The following ZSCAN10 variants were observed in gnomAD, a reference collection of about 807,000 sequenced individuals.
The protein encoded by ZSCAN10 is zinc finger and SCAN domain containing 10.
Under a neutral mutation model 63.7 loss-of-function variants are expected in ZSCAN10, and 52 were observed. The observed-to-expected ratio is 0.82, with a 90% CI of 0.65 to 1.03. ZSCAN10 has a LOEUF of 1.03. Among genes scored for constraint, ZSCAN10 ranks in the 50% least tolerant of loss-of-function variants. The pLI, the probability that ZSCAN10 is intolerant of heterozygous loss-of-function variation, is 0.00. For synonymous variants in ZSCAN10, 544 were observed against 479.6 expected (o/e 1.13, Z -1.76); for missense variants, 1,223 against 1,103.8 (o/e 1.11, Z -1.53).
In ZSCAN10 at chr16:3,092,818, G is replaced by A. The variant is rs138053638; in HGVS notation, c.120C>T (p.Pro40=). The A allele has an allele frequency of 1.6e-5, 24 of 1,524,576 alleles. No individual in the cohort carries two copies. Among genetic ancestry groups the A allele is most frequent in the Middle Eastern group, 1.7e-4 (1 of 5,718 alleles). 94.4% of individuals were successfully genotyped at this position (1,524,576 alleles called of 1,614,324 possible). ...ATCTGAACAGCTGGTGAGCCACCTC[G>A]GGCCTCAGCCTGGACTCTGGTCGCC... ...DPRRPESRLR[P]EVAHQLFRCF... is the part of the protein sequence containing the mutation. Residue 40 remains proline, a synonymous_variant, in exon 2 of 6, where the codon CCC becomes CCT. Coordinates refer to ENST00000576985, the MANE Select transcript of ZSCAN10 (RefSeq NM_032805.3).
Position 3,095,640 on chromosome 16 carries a change from A to C in ZSCAN10, c.-67-2636T>G, listed in dbSNP as rs529176406. On this transcript the variant is annotated intron_variant, in intron 1 of 5. Transcript: ENST00000576985. ...TCAGGAGATCGAGACCATCCTGGTT[A>C]ACACGGTGAAACCCCGTCTCTAATA... Among the ~76,000 whole-genome samples the C allele has an allele frequency of 8.5e-4, 130 of 152,076 alleles. 5 individuals are homozygous for C. In the South Asian group the frequency reaches 0.027, roughly 31 times the overall value.
chr16:3,097,047 A>G (rs1175788180), intron 1 of ZSCAN10, among the ~76,000 whole-genome samples: 1 of 151,566 alleles, frequency 6.6e-6, no homozygotes, highest in Non-Finnish European at 1.5e-5. Context: ...CAGTGAGCTG[A>G]GATTGCATCA....
chr16:3,098,650 A>C (rs1000198281), intron 1 of ZSCAN10, among the ~76,000 whole-genome samples: 1 of 147,882 alleles, frequency 6.8e-6, no homozygotes, highest in African/African-American at 2.4e-5. Context: ...CTCTGTTAAT[A>C]TGCACCTCTG....
Position 3,089,612 on chromosome 16 carries a change from A to T in ZSCAN10, c.1822T>A (p.Cys608Ser). 2.5e-6 allele frequency: 4 copies of T among 1,586,316 alleles called. No homozygotes were observed. Among genetic ancestry groups the T allele is most frequent in the Non-Finnish European group, 3.4e-6 (4 of 1,166,446 alleles). ...LTHGGPRPHH[C>S]TQCGKSFGQT... Reference sequence around the variant, plus strand: ...CCGAAACTCTTCCCGCACTGGGTGCAGTGGTGGGGCCGAGGGCCACCGTGG... The same window carrying T: ...CCGAAACTCTTCCCGCACTGGGTGCTGTGGTGGGGCCGAGGGCCACCGTGG... Residue 608 changes from cysteine (C) to serine (S), a missense_variant, in exon 6 of 6, where the codon TGC becomes AGC. Physicochemically the swap from Cys to Ser is moderately radical, Grantham distance 112. Coordinates refer to ENST00000576985, the MANE Select transcript of ZSCAN10 (RefSeq NM_032805.3).
At chr16:3,095,844 A>T (rs78197466) in intron 1 of ZSCAN10, among the ~76,000 whole-genome samples, 13 of 151,162 alleles carry the variant, frequency 8.6e-5, no homozygotes, top group African/African-American at 3.2e-4. Flanking sequence ...AAAAAAAAAA[A>T]ATTTAGCCAG....
At position 3,090,033 on chromosome 16, in the gene ZSCAN10, C is replaced by T. The variant is rs757065928; in HGVS notation, c.1401G>A (p.Lys467=). ...DQKPPCAPES[K]AEAPPLTDVL... The stretch of plus-strand genomic sequence containing the variant: ...CATCGGTCAGTGGCGGCGCTTCGGC[C>T]TTACTCTCAGGAGCGCAGGGCGGCT... Residue 467 remains lysine (K), a synonymous_variant, in exon 6 of 6, where the codon AAG becomes AAA. Coordinates refer to ENST00000576985, the MANE Select transcript of ZSCAN10 (RefSeq NM_032805.3). 1.3e-6 allele frequency: 2 copies of T among 1,596,648 alleles called. No individual in the cohort carries two copies. Among genetic ancestry groups the T allele is most frequent in the South Asian group, 2.2e-5 (2 of 90,106 alleles).
At position 3,092,327 on chromosome 16, in the gene ZSCAN10, C is replaced by A. The variant is rs1326822139; in HGVS notation, c.397-11G>T. ...ATTACAACTAAAATCCTGTTCAAAACACATTCAAGTTAAGTGACTCCCGGG... is the reference window on the plus strand; with the variant it reads ...ATTACAACTAAAATCCTGTTCAAAAAACATTCAAGTTAAGTGACTCCCGGG... On this transcript the variant is annotated splice_polypyrimidine_tract_variant and intron_variant, in intron 2 of 5. Transcript: ENST00000576985. The A allele has an allele frequency of 6.3e-7, 1 of 1,587,024 alleles. No individual in the cohort carries two copies. The highest frequency in any genetic ancestry group is 8.6e-7 in the Non-Finnish European group (1 of 1,165,600).
In ZSCAN10 at chr16:3,092,560, G is replaced by A. The variant is rs1226468571; in HGVS notation, c.378C>T (p.Pro126=). The change falls in exon 2 of 6, where the codon CCC becomes CCT. Residue 126 remains proline (P), a synonymous_variant. Transcript: ENST00000576985. ...VLLLEGIHRE[P]SHAGPLDFSC... is the part of the protein sequence containing the mutation. ...CTCTCACCAGCGGCCCCGCGTGGCT[G>A]GGCTCCCGGTGGATGCCCTCGAGCA... 2.6e-6 allele frequency: 4 copies of A among 1,547,274 alleles called. No individual in the cohort carries two copies. The highest frequency in any genetic ancestry group is 1.4e-5 in the African/African-American group (1 of 73,484).
intron 1 of ZSCAN10, among the ~76,000 whole-genome samples, chr16:3,094,392 A>G (rs1033702352): frequency 1.3e-5 from 2 of 152,114 alleles, no homozygotes; most frequent in Non-Finnish European, 2.9e-5. Flanking sequence ...GTTGCCCAGG[A>G]TGGAGTGCAA....
rs1957087049 is a variant in ZSCAN10 at position 3,092,110 on chromosome 16, T to C, written c.603A>G (p.Pro201=). ...PAEPGQWRLP[P]SSKQPLSPGP... is the part of the protein sequence containing the mutation. ...CCGGGCTCAGCGGCTGCTTTGAACT[T>C]GGGGGAAGCCTCCACTGTCCCGGCT... Residue 201 remains proline, a synonymous_variant, in exon 3 of 6, where the codon CCA becomes CCG. Transcript: ENST00000576985. 1 of 1,606,764 alleles carries C rather than the reference T, an allele frequency of 6.2e-7. No individual in the cohort carries two copies. The highest frequency in any genetic ancestry group is 8.5e-7 in the Non-Finnish European group (1 of 1,176,202).
chr16:3,093,639 A>T (rs1209947285), intron 1 of ZSCAN10, among the ~76,000 whole-genome samples: 1 of 151,804 alleles, frequency 6.6e-6, no homozygotes, highest in Non-Finnish European at 1.5e-5. Context: ...TGGCACCATC[A>T]AGATGGATCC....
At position 3,090,596 on chromosome 16, in the gene ZSCAN10, T is replaced by C; in HGVS notation, c.838A>G (p.Lys280Glu). ...ATGGGAGTGGGCCAGGCAGCCCCTT[T>C]GGGCTCTTCTTGTTTAAATTCCTCC... ...DKEEFKQEEP[K>E]GAAWPTPILA... is the part of the protein sequence containing the mutation. Residue 280 changes from lysine (K) to glutamate (E), a missense_variant, in exon 6 of 6, where the codon AAA becomes GAA. Transcript: ENST00000576985. The C allele has an allele frequency of 6.4e-7, 1 of 1,560,280 alleles. No homozygotes were observed. Among genetic ancestry groups the C allele is most frequent in the Non-Finnish European group, 8.7e-7 (1 of 1,153,060 alleles).
chr16:3,091,603 T>A lies in ZSCAN10; in HGVS notation c.730-6A>T, dbSNP rs1706155435. ...TCCTCAAAGGTCAGGCACTCCTGTA[T>A]CAAGAGCAGAAACCCTTGGTGAGTG... On this transcript the variant is annotated splice_region_variant and splice_polypyrimidine_tract_variant and intron_variant, in intron 4 of 5. Coordinates refer to ENST00000576985, the MANE Select transcript of ZSCAN10 (RefSeq NM_032805.3). The A allele has an allele frequency of 6.2e-7, 1 of 1,614,206 alleles. No homozygotes were observed. Among genetic ancestry groups the A allele is most frequent in the Admixed American group, 1.7e-5 (1 of 60,022 alleles).
chr16:3,097,777 AGTGTCT>A (rs1771749887), intron 1 of ZSCAN10, among the ~76,000 whole-genome samples: 1 of 152,196 alleles, frequency 6.6e-6, no homozygotes, highest in Non-Finnish European at 1.5e-5. Context: ...AAGTTGCTTC[AGTGTCT>A]GTTAGCAGAA....
Position 3,089,146 on chromosome 16 carries a change from C to T in ZSCAN10, c.2288G>A (p.Arg763His). ...CAGGTGGCGCAGCAGGTGGGAGTTG[C>T]GGCTGAAGCTGCGGCCACACTGCGT... is the stretch of plus-strand genomic sequence containing the variant. ...SCTQCGRSFS[R>H]NSHLLRHLRT... The change falls in exon 6 of 6, where the codon CGC (arginine) becomes CAC (histidine). Residue 763 changes from arginine to histidine, a missense_variant. Arg to His is a conservative substitution (Grantham distance 29). Coordinates refer to ENST00000576985, the MANE Select transcript of ZSCAN10 (RefSeq NM_032805.3). 2 of 1,526,860 alleles carry T rather than the reference C, an allele frequency of 1.3e-6. No homozygotes were observed. The highest frequency in any genetic ancestry group is 1.7e-6 in the Non-Finnish European group (2 of 1,147,630). The allele number at this position is 1,526,860 out of a possible 1,614,324, so 94.6% of individuals were successfully genotyped here. A position where few individuals can be genotyped will look rare whatever the true frequency, so the allele number is the denominator to read the frequency against.
At position 3,092,997 on chromosome 16, in the gene ZSCAN10, T is replaced by C; in HGVS notation, c.-60A>G. ...CCGCTCTTGGGTCTCTCTCCTCTCC[T>C]CCCACACCTGCGAAGGTGAACACCC... On this transcript the variant is annotated 5_prime_UTR_variant, in exon 2 of 6. Coordinates refer to ENST00000576985, the MANE Select transcript of ZSCAN10 (RefSeq NM_032805.3). 4 of 1,378,254 alleles carry C rather than the reference T, an allele frequency of 2.9e-6. No homozygotes were observed. The highest frequency in any genetic ancestry group is 3.7e-6 in the Non-Finnish European group (4 of 1,069,150). The allele number at this position is 1,378,254 out of a possible 1,614,324, so 85.4% of individuals were successfully genotyped here.
intron 2 of ZSCAN10, 110 bp from the exon 3 acceptor site, chr16:3,092,426 G>C: frequency 6.7e-7 from 1 of 1,501,414 alleles, no homozygotes; most frequent in Non-Finnish European, 8.9e-7. Flanking sequence ...GGAGGAGTTA[G>C]GAGGTGAAGA....
In ZSCAN10 at chr16:3,090,348, C is replaced by G; in HGVS notation, c.1086G>C (p.Leu362=). The G allele has an allele frequency of 3.1e-6, 5 of 1,611,604 alleles. No homozygotes were observed. The highest frequency in any genetic ancestry group is 4.2e-6 in the Non-Finnish European group (5 of 1,179,006). ...GGTGCGAGCGCAGCTGGTGCGCCTT[C>G]AGGCGAGACAGCTGCGGGAAGCTCA... ...CGVSFPQLSR[L]KAHQLRSHPA... is the part of the protein sequence containing the mutation. Residue 362 remains leucine (L), a synonymous_variant, in exon 6 of 6, where the codon CTG becomes CTC. Transcript: ENST00000576985.
rs375351983 is a variant in ZSCAN10, at chr16:3,089,291, G to A, written c.2143C>T (p.Pro715Ser). 1.7e-5 allele frequency: 26 copies of A among 1,563,798 alleles called. No individual in the cohort carries two copies. The highest frequency in any genetic ancestry group is 2.4e-5 in the South Asian group (2 of 84,888). The change falls in exon 6 of 6, where the codon CCC (proline) becomes TCC (serine). Residue 715 changes from proline (P) to serine (S), a missense_variant. By Grantham distance (74) the Pro-to-Ser change is moderately conservative. Transcript: ENST00000576985. ...LRRHLATHAE[P>S]GQEQAEPPQE... ...GGGGGCTCGGCCTGCTCCTGCCCGG[G>A]CTCCGCATGGGTAGCCAGGTGCCGC...
Sources: allele counts gnomAD v4.1 joint callset (sites outside exome capture counted in the v4.1 genomes callset), GRCh38; gene constraint gnomAD v4.1.1; transcripts MANE v1.5; gene names NCBI Gene and HGNC (gene_info 2026-07-23, HGNC 2026-07-21).